Variants in MAP4K3 observed in about 807,000 individuals in gnomAD.
The protein encoded by MAP4K3 is mitogen-activated protein kinase kinase kinase kinase 3.
In MAP4K3, 94 loss-of-function variants were observed where a neutral mutation model predicts 143.5. The observed-to-expected ratio is 0.65, with a 90% confidence interval of 0.55 to 0.78. The LOEUF (loss-of-function observed/expected upper bound fraction) is 0.78, where lower values mean the gene tolerates loss of function less well. Ranked by LOEUF, MAP4K3 falls within the 30% of genes least tolerant of loss-of-function variation. MAP4K3 has a pLI of 0.00. For synonymous variants in MAP4K3, 416 were observed against 347.2 expected (o/e 1.20, Z -2.20); for missense variants, 1,077 against 1,068.1 (o/e 1.01, Z -0.12).
At chr2:39,290,811 C>T (rs956409826) in intron 18 of MAP4K3, among the ~76,000 whole-genome samples, 3 of 152,188 alleles carry the variant, frequency 2.0e-5, no homozygotes, top group Non-Finnish European at 4.4e-5. Flanking sequence ...TGGCTCACGC[C>T]TGTAATTCCA....
chr2:39,325,775 A>G lies in MAP4K3; in HGVS notation c.762T>C (p.Leu254=). The change falls in exon 11 of 34, where the codon CTT becomes CTC. Residue 254 remains leucine (L), a synonymous_variant. Transcript: ENST00000263881. ...TAGGTCTTTTTTTCGGATTTTTGGTAAGTGCCATTTTCACAAAGTGATGAA... is the reference window on the plus strand; with the variant it reads ...TAGGTCTTTTTTTCGGATTTTTGGTGAGTGCCATTTTCACAAAGTGATGAA... ...NSFHHFVKMA[L]TKNPKKRPTA... 3.1e-6 allele frequency: 5 copies of G among 1,610,268 alleles called. No individual in the cohort carries two copies. Among genetic ancestry groups the G allele is most frequent in the Non-Finnish European group, 4.2e-6 (5 of 1,178,618 alleles).
At chr2:39,271,523 A>G (rs765669330) in intron 26 of MAP4K3, among the ~76,000 whole-genome samples, 2 of 152,254 alleles carry the variant, frequency 1.3e-5, no homozygotes, top group Non-Finnish European at 2.9e-5. Context: ...TTAAATAACG[A>G]AAGAACAGAG....
At chr2:39,334,381 C>T (rs1431727028) in intron 6 of MAP4K3, among the ~76,000 whole-genome samples, 1 of 152,022 alleles carries the variant, frequency 6.6e-6, no homozygotes, top group Non-Finnish European at 1.5e-5. Context: ...TGGGAACCCT[C>T]CTACTCTCAA....
At position 39,337,622 on chromosome 2, in the gene MAP4K3, G is replaced by A. The variant is rs116890340; in HGVS notation, c.311-41C>T. ...ATTAATACTCATAAAATTAGTCAACGCATGTTTTTCAATATATAATAAAGT... is the reference window on the plus strand; with the variant it reads ...ATTAATACTCATAAAATTAGTCAACACATGTTTTTCAATATATAATAAAGT... On this transcript the variant is annotated intron_variant, in intron 4 of 33. Coordinates refer to ENST00000263881, the MANE Select transcript of MAP4K3 (RefSeq NM_003618.4). The A allele has an allele frequency of 1.2e-3, 1,618 of 1,357,668 alleles. 27 individuals are homozygous for A. In the East Asian group the frequency reaches 0.035, roughly 29 times the overall value. 84.1% of individuals were successfully genotyped at this position (1,357,668 alleles called of 1,614,324 possible). A position where few individuals can be genotyped will look rare whatever the true frequency, so the allele number is the denominator to read the frequency against.
rs112805790 is a variant in MAP4K3 at position 39,322,592 on chromosome 2, A to G, written c.918+2926T>C. ...CTTAAACTAGACTTAGATGTGGTAT[A>G]TGTGTGTGTGTGTGTGTGTGTGTGT... On this transcript the variant is annotated intron_variant, in intron 12 of 33. Coordinates refer to ENST00000263881, the MANE Select transcript of MAP4K3 (RefSeq NM_003618.4). Among the ~76,000 whole-genome samples, 797 of 144,756 alleles carry G rather than the reference A, an allele frequency of 5.5e-3. 7 individuals are homozygous for G. Among genetic ancestry groups the G allele is most frequent in the African/African-American group, 0.018 (721 of 39,568 alleles). The allele number at this position is 144,756 out of a possible 152,430, so 95.0% of individuals were successfully genotyped here.
At chr2:39,381,793 C>T (rs1666361659) in intron 1 of MAP4K3, among the ~76,000 whole-genome samples, 2 of 152,164 alleles carry the variant, frequency 1.3e-5, no homozygotes, top group African/African-American at 4.8e-5. Context: ...AACTAAACAA[C>T]CTGCTATTCC....
At chr2:39,326,638 G>T (rs992462197) in intron 8 of MAP4K3, among the ~76,000 whole-genome samples, 2 of 152,160 alleles carry the variant, frequency 1.3e-5, no homozygotes, top group Non-Finnish European at 2.9e-5. Context: ...CCTGCAATTT[G>T]GGGGGTGGGC....
chr2:39,364,903 C>T lies in MAP4K3; in HGVS notation c.155-8564G>A, dbSNP rs1254763430. The stretch of plus-strand genomic sequence containing the variant: ...AAAAAAAGATAATGGGTAGCAGAGA[C>T]CAAGGTTTTATCATGCAGATGAAGC... On this transcript the variant is annotated intron_variant, in intron 2 of 33. Transcript: ENST00000263881. Among the ~76,000 whole-genome samples, 3 of 149,850 alleles carry T rather than the reference C, an allele frequency of 2.0e-5. 1 individual carries two copies. Among genetic ancestry groups the T allele is most frequent in the Admixed American group, 2.0e-4 (3 of 15,060 alleles).
At chr2:39,330,353 T>C (rs938900389) in intron 8 of MAP4K3, among the ~76,000 whole-genome samples, 6 of 152,106 alleles carry the variant, frequency 3.9e-5, no homozygotes, top group African/African-American at 1.2e-4. Flanking sequence ...AACTCTATCC[T>C]AGAATTACCC....
chr2:39,376,933 A>G (rs1666233656), intron 2 of MAP4K3, among the ~76,000 whole-genome samples: 1 of 152,200 alleles, frequency 6.6e-6, no homozygotes, highest in Non-Finnish European at 1.5e-5. Flanking sequence ...TTCAGAAAAA[A>G]GATAAACATC....
At chr2:39,414,044 G>A (rs1016505644) in intron 1 of MAP4K3, among the ~76,000 whole-genome samples, 1 of 152,168 alleles carries the variant, frequency 6.6e-6, no homozygotes, top group Non-Finnish European at 1.5e-5. Context: ...TAGAGAACAT[G>A]ATTCTCATGG....
At chr2:39,283,435 T>C (rs902464884) in intron 21 of MAP4K3, among the ~76,000 whole-genome samples, 2 of 152,234 alleles carry the variant, frequency 1.3e-5, no homozygotes, top group Admixed American at 1.3e-4. Context: ...GTATTTCCTC[T>C]TTTGTGAATT....
At chr2:39,287,551 C>T (rs1681849770) in intron 20 of MAP4K3, among the ~76,000 whole-genome samples, 1 of 152,106 alleles carries the variant, frequency 6.6e-6, no homozygotes, top group South Asian at 2.1e-4. Flanking sequence ...GATCCACCTG[C>T]CTCGGCCTCC....
chr2:39,283,040 G>C (rs976592862), intron 21 of MAP4K3, among the ~76,000 whole-genome samples: 3 of 152,120 alleles, frequency 2.0e-5, no homozygotes, highest in Non-Finnish European at 4.4e-5. Flanking sequence ...TCGGTATTTA[G>C]ATTATTGTCA....
intron 1 of MAP4K3, among the ~76,000 whole-genome samples, chr2:39,392,738 T>C (rs904217018): frequency 6.6e-6 from 1 of 152,056 alleles, no homozygotes; most frequent in Non-Finnish European, 1.5e-5. Context: ...TCTGAGGAAG[T>C]AGGTTGTTTA....
intron 16 of MAP4K3, among the ~76,000 whole-genome samples, chr2:39,298,180 A>AT (rs1380896540): frequency 1.3e-5 from 2 of 152,080 alleles, no homozygotes; most frequent in South Asian, 2.1e-4. Context: ...CACTTCAAAA[A>AT]TTTTTTTTAT....
intron 1 of MAP4K3, among the ~76,000 whole-genome samples, chr2:39,403,846 G>T (rs1196802571): frequency 6.6e-6 from 1 of 150,574 alleles, no homozygotes; most frequent in African/African-American, 2.4e-5. Context: ...AGGAGAGAAG[G>T]AAGAGTGAAG....
chr2:39,414,383 A>T (rs971356096), intron 1 of MAP4K3, among the ~76,000 whole-genome samples: 2 of 152,228 alleles, frequency 1.3e-5, no homozygotes, highest in Admixed American at 6.5e-5. Flanking sequence ...TTGCGGGGGA[A>T]TTAAGAGGCT....
chr2:39,278,493 TA>T lies in MAP4K3; in HGVS notation c.1715-8del. On this transcript the variant is annotated splice_polypyrimidine_tract_variant and splice_region_variant and intron_variant, in intron 23 of 33. Transcript: ENST00000263881. The stretch of plus-strand genomic sequence containing the variant: ...CCAAATATCAAGTACTGATCTGAAA[TA>T]AAAGTAATTCACTGACTGATTTTGG... The T allele has an allele frequency of 6.6e-7, 1 of 1,505,550 alleles. No homozygotes were observed. Among genetic ancestry groups the T allele is most frequent in the Non-Finnish European group, 9.1e-7 (1 of 1,101,544 alleles). The allele number at this position is 1,505,550 out of a possible 1,614,324, so 93.3% of individuals were successfully genotyped here.
Sources: allele counts gnomAD v4.1 joint callset (sites outside exome capture counted in the v4.1 genomes callset), GRCh38; gene constraint gnomAD v4.1.1; transcripts MANE v1.5; gene names NCBI Gene and HGNC (gene_info 2026-07-23, HGNC 2026-07-21).